TMEM132D: variants seen among roughly 807,000 people sequenced by gnomAD.
TMEM132D encodes the protein transmembrane protein 132D, also known as mature OL transmembrane protein.
TMEM132D carries 21 observed loss-of-function variants against 62.3 expected under a neutral mutation model. The ratio of observed to expected loss-of-function variants is 0.34; its 90% CI spans 0.24 to 0.49. The LOEUF is 0.49. Ranked by LOEUF, TMEM132D falls within the 20% of genes least tolerant of loss-of-function variation. The pLI is 0.99. For synonymous variants in TMEM132D, 621 were observed against 575.6 expected (o/e 1.08, Z -1.13); for missense variants, 1,346 against 1,402.8 (o/e 0.96, Z 0.65).
intron 3 of TMEM132D, among the ~76,000 whole-genome samples, chr12:129,450,978 T>TA (rs768669309): frequency 1.9e-4 from 29 of 152,018 alleles, no homozygotes; most frequent in Non-Finnish European, 3.1e-4. Context: ...TGGCCAGGCT[T>TA]GTCTAGAACT....
At chr12:129,668,816 A>C (rs1451182779) in intron 2 of TMEM132D, among the ~76,000 whole-genome samples, 1 of 152,228 alleles carries the variant, frequency 6.6e-6, no homozygotes, top group Non-Finnish European at 1.5e-5. Flanking sequence ...TATTTTACCA[A>C]GGCTTTGACT....
intron 3 of TMEM132D, among the ~76,000 whole-genome samples, chr12:129,507,485 A>G (rs1875369852): frequency 1.3e-5 from 2 of 152,242 alleles, no homozygotes; most frequent in Admixed American, 6.5e-5. Flanking sequence ...CAACGAATGC[A>G]TAAAGAAAGT....
intron 3 of TMEM132D, among the ~76,000 whole-genome samples, chr12:129,434,233 C>A (rs961528877): frequency 1.3e-5 from 2 of 152,108 alleles, no homozygotes; most frequent in Non-Finnish European, 2.9e-5. Context: ...GATTTCTCCC[C>A]CTAATGAATG....
At chr12:129,724,299 C>T (rs748911973) in intron 1 of TMEM132D, among the ~76,000 whole-genome samples, 18 of 152,166 alleles carry the variant, frequency 1.2e-4, no homozygotes, top group Non-Finnish European at 2.2e-4. Context: ...GATTTGAAGA[C>T]GAATGCTACA....
At chr12:129,474,809 T>C (rs566294642) in intron 3 of TMEM132D, among the ~76,000 whole-genome samples, 308 of 152,272 alleles carry the variant, frequency 2.0e-3, no homozygotes, top group African/African-American at 7.1e-3. Context: ...CCAGCAGATA[T>C]TTTCTGGAAG....
intron 1 of TMEM132D, among the ~76,000 whole-genome samples, chr12:129,811,859 G>A (rs908095650): frequency 2.0e-5 from 3 of 151,690 alleles, no homozygotes; most frequent in Non-Finnish European, 4.4e-5. Flanking sequence ...TGGGACCTCA[G>A]TCCCCCAACT....
intron 2 of TMEM132D, among the ~76,000 whole-genome samples, chr12:129,552,558 C>T (rs891548711): frequency 3.0e-5 from 4 of 131,834 alleles, no homozygotes; most frequent in East Asian, 2.0e-4. Flanking sequence ...ATCTATCGAT[C>T]GATCTATCAT....
At chr12:129,321,086 T>C (rs889502574) in intron 4 of TMEM132D, among the ~76,000 whole-genome samples, 1 of 152,218 alleles carries the variant, frequency 6.6e-6, no homozygotes, top group African/African-American at 2.4e-5. Context: ...TACCCACATA[T>C]TTATCTATTA....
intron 2 of TMEM132D, among the ~76,000 whole-genome samples, chr12:129,694,916 G>A (rs780226392): frequency 1.3e-5 from 2 of 152,196 alleles, no homozygotes; most frequent in Non-Finnish European, 2.9e-5. Context: ...GCTGGGGCAG[G>A]AGAATCGCTT....
intron 3 of TMEM132D, among the ~76,000 whole-genome samples, chr12:129,529,037 TATAAC>T (rs1266763170): frequency 3.3e-5 from 5 of 152,258 alleles, no homozygotes; most frequent in East Asian, 1.9e-4. Flanking sequence ...TGTACACACA[TATAAC>T]ATATTATACA....
rs576736439 is a variant in TMEM132D, at chr12:129,131,939, T to C, written c.1444-47237A>G. Among the ~76,000 whole-genome samples the C allele has an allele frequency of 2.6e-5, 4 of 152,220 alleles. 1 individual carries two copies. The highest frequency in any genetic ancestry group is 9.6e-5 in the African/African-American group (4 of 41,466). On this transcript the variant is annotated intron_variant, in intron 5 of 8. Coordinates refer to ENST00000422113, the MANE Select transcript of TMEM132D (RefSeq NM_133448.3). ...TTATAGGAGACCACAGGGTAAACTT[T>C]TAGATAGGCTTGACTTGAAGGACTT...
chr12:129,544,631 C>G (rs569706784), intron 2 of TMEM132D, among the ~76,000 whole-genome samples: 1 of 152,066 alleles, frequency 6.6e-6, no homozygotes, highest in East Asian at 1.9e-4. Flanking sequence ...TCAGGAATAT[C>G]CTAATACCAC....
chr12:129,778,106 C>A (rs367580802), intron 1 of TMEM132D, among the ~76,000 whole-genome samples: 2 of 130,084 alleles, frequency 1.5e-5, no homozygotes, highest in African/African-American at 3.0e-5. Flanking sequence ...CAGAGTGAGA[C>A]CCTGTCTCAA....
At chr12:129,818,301 ATG>A (rs1210161592) in intron 1 of TMEM132D, among the ~76,000 whole-genome samples, 1 of 110,670 alleles carries the variant, frequency 9.0e-6, no homozygotes, top group South Asian at 3.2e-4. Context: ...GGTGTGTGTG[ATG>A]TGTGTGTGTC....
chr12:129,564,167 T>C (rs1433777276), intron 2 of TMEM132D, among the ~76,000 whole-genome samples: 1 of 152,172 alleles, frequency 6.6e-6, no homozygotes, highest in Non-Finnish European at 1.5e-5. Flanking sequence ...ATGAGAGAAC[T>C]GATACTCAAA....
intron 1 of TMEM132D, among the ~76,000 whole-genome samples, chr12:129,714,626 G>A (rs562245045): frequency 6.6e-6 from 1 of 152,230 alleles, no homozygotes; most frequent in South Asian, 2.1e-4. Flanking sequence ...ATAATAATCA[G>A]CTTGATTTTG....
intron 3 of TMEM132D, among the ~76,000 whole-genome samples, chr12:129,434,070 A>T (rs1872729103): frequency 6.6e-6 from 1 of 152,180 alleles, no homozygotes; most frequent in Non-Finnish European, 1.5e-5. Flanking sequence ...CATTCCTCAT[A>T]TTATTTCTAG....
chr12:129,525,765 T>C (rs1348297032), intron 3 of TMEM132D, among the ~76,000 whole-genome samples: 2 of 152,204 alleles, frequency 1.3e-5, no homozygotes, highest in African/African-American at 4.8e-5. Flanking sequence ...GAACGAAACA[T>C]CACATTTTCT....
In TMEM132D at chr12:129,188,762, GGAGAGAGAGAGAGAGA is replaced by G. The variant is rs569138938; in HGVS notation, c.1443+20742_1443+20757del. Among the ~76,000 whole-genome samples the G allele has an allele frequency of 8.2e-4, 103 of 126,238 alleles. 1 individual carries two copies. Among genetic ancestry groups the G allele is most frequent in the African/African-American group, 1.8e-3 (63 of 34,396 alleles). 82.8% of individuals were successfully genotyped at this position (126,238 alleles called of 152,430 possible). A position where few individuals can be genotyped will look rare whatever the true frequency, so the allele number is the denominator to read the frequency against. On this transcript the variant is annotated intron_variant, in intron 5 of 8. Transcript: ENST00000422113. ...AGGAGGGAGAGGGGGAGGGAGAGAGGGAGAGAGAGAGAGAGAGAGAGAGAGAGAGAGAGAGAGAAAG... is the reference window on the plus strand; with the variant it reads ...AGGAGGGAGAGGGGGAGGGAGAGAGGGAGAGAGAGAGAGAGAGAGAGAAAG...
Sources: allele counts gnomAD v4.1 joint callset (sites outside exome capture counted in the v4.1 genomes callset), GRCh38; gene constraint gnomAD v4.1.1; transcripts MANE v1.5; gene names NCBI Gene and HGNC (gene_info 2026-07-23, HGNC 2026-07-21).